PDE3A: variants seen among roughly 807,000 people sequenced by gnomAD.
PDE3A encodes the protein phosphodiesterase 3A.
In PDE3A, 43 loss-of-function variants were observed where a neutral mutation model predicts 98.3. That is an observed-to-expected ratio of 0.44 (90% confidence interval 0.34 to 0.56). The LOEUF is 0.56. Ranked by LOEUF, PDE3A falls within the 20% of genes least tolerant of loss-of-function variation. PDE3A has a pLI of 0.01. For synonymous variants in PDE3A, 663 were observed against 567.9 expected, an observed-to-expected ratio of 1.17 and a Z score of -2.38; for missense variants, 1,427 against 1,440.7, an observed-to-expected ratio of 0.99 and a Z score of 0.15.
chr12:20,677,063 G>A (rs1398623999), intron 15 of PDE3A, among the ~76,000 whole-genome samples: 1 of 151,936 alleles, frequency 6.6e-6, no homozygotes, highest in Non-Finnish European at 1.5e-5. Flanking sequence ...CATCTGACTG[G>A]GTTATGTCAA....
intron 1 of PDE3A, among the ~76,000 whole-genome samples, chr12:20,448,469 A>C (rs1425249716): frequency 2.0e-5 from 3 of 152,158 alleles, no homozygotes; most frequent in Non-Finnish European, 4.4e-5. Context: ...GAAGAGGACA[A>C]TATTGTAACC....
At chr12:20,460,060 C>A (rs996712124) in intron 1 of PDE3A, among the ~76,000 whole-genome samples, 5 of 152,180 alleles carry the variant, frequency 3.3e-5, no homozygotes, top group Non-Finnish European at 2.9e-5. Context: ...AGGCTGGATA[C>A]CATAGTCACC....
chr12:20,599,788 C>T (rs78215403), intron 2 of PDE3A, among the ~76,000 whole-genome samples: 5,623 of 152,258 alleles, frequency 0.037, 140 homozygotes, highest in Non-Finnish European at 0.054. Context: ...CATTTTACAG[C>T]CAGTTTTCAT....
At chr12:20,433,155 T>C (rs966561058) in intron 1 of PDE3A, among the ~76,000 whole-genome samples, 1 of 152,164 alleles carries the variant, frequency 6.6e-6, no homozygotes, top group African/African-American at 2.4e-5. Context: ...GACTAATCTT[T>C]TTTTGAACTA....
chr12:20,378,497 C>A (rs1426826955), intron 1 of PDE3A, among the ~76,000 whole-genome samples: 1 of 151,586 alleles, frequency 6.6e-6, no homozygotes, highest in East Asian at 1.9e-4. Flanking sequence ...CTTATTTTTA[C>A]ACTGCAGATT....
rs376857056 is a variant in PDE3A, at chr12:20,369,797, A to G, written c.513A>G (p.Glu171=). 8.1e-6 allele frequency: 13 copies of G among 1,612,160 alleles called. No homozygotes were observed. Among genetic ancestry groups the G allele is most frequent in the Non-Finnish European group, 1.1e-5 (13 of 1,179,660 alleles). Residue 171 remains glutamate, a synonymous_variant, in exon 1 of 16, where the codon GAA becomes GAG. Transcript: ENST00000359062. ...TGCTGGCCGCCTGCTGCGGGGGGGAAGCGCTCGTCCAGATTGGGCTGGGCG... is the reference window on the plus strand; with the variant it reads ...TGCTGGCCGCCTGCTGCGGGGGGGAGGCGCTCGTCCAGATTGGGCTGGGCG... The part of the protein sequence containing the change: ...VALLAACCGG[E]ALVQIGLGVG...
At chr12:20,516,582 A>G (rs1228909339) in intron 1 of PDE3A, among the ~76,000 whole-genome samples, 3 of 152,198 alleles carry the variant, frequency 2.0e-5, no homozygotes, top group Non-Finnish European at 4.4e-5. Flanking sequence ...AGGGTATGGC[A>G]TTCTCAAGTT....
intron 1 of PDE3A, among the ~76,000 whole-genome samples, chr12:20,415,095 T>C (rs1242836091): frequency 6.6e-6 from 1 of 152,110 alleles, no homozygotes; most frequent in African/African-American, 2.4e-5. Context: ...ATAGTTATGT[T>C]CTATTTATTG....
chr12:20,648,648 T>G (rs1188180364), intron 12 of PDE3A, 40 bp from the exon 13 acceptor site: 1 of 1,270,990 alleles, frequency 7.9e-7, no homozygotes, highest in South Asian at 1.2e-5. Context: ...TGTGATTATT[T>G]TCTTAAAAAG....
chr12:20,653,867 G>T lies in PDE3A; in HGVS notation c.2926-80G>T, dbSNP rs1045283163. On this transcript the variant is annotated intron_variant, in intron 14 of 15. Transcript: ENST00000359062. ...TTAGCTGTCAAGTAAAGAAGTTTGT[G>T]CATTAATGCCTGGGGTTTTACATAT... 4.9e-6 allele frequency: 7 copies of T among 1,428,064 alleles called. No individual in the cohort carries two copies. The African/African-American group carries it at 9.9e-5, about 20-fold the overall frequency. 88.5% of individuals were successfully genotyped at this position (1,428,064 alleles called of 1,614,324 possible).
intron 2 of PDE3A, among the ~76,000 whole-genome samples, chr12:20,592,124 A>G (rs1943352965): frequency 6.6e-6 from 1 of 152,186 alleles, no homozygotes; most frequent in Non-Finnish European, 1.5e-5. Context: ...AGTCTTAGGT[A>G]GGTTACATTA....
chr12:20,651,863 G>A (rs900826851), intron 14 of PDE3A, among the ~76,000 whole-genome samples: 33 of 151,986 alleles, frequency 2.2e-4, no homozygotes, highest in East Asian at 1.9e-4. Context: ...GGTGTGCTGC[G>A]CCCATTAACT....
chr12:20,407,293 T>C (rs1944250529), intron 1 of PDE3A, among the ~76,000 whole-genome samples: 1 of 152,248 alleles, frequency 6.6e-6, no homozygotes, highest in African/African-American at 2.4e-5. Flanking sequence ...GCCAAACATA[T>C]AGCAGGTACA....
intron 2 of PDE3A, among the ~76,000 whole-genome samples, chr12:20,590,518 T>C (rs1462101448): frequency 6.6e-6 from 1 of 151,240 alleles, no homozygotes; most frequent in East Asian, 1.9e-4. Flanking sequence ...CTCACGCTTC[T>C]AATCGCAGCA....
chr12:20,459,525 A>G (rs1362398317), intron 1 of PDE3A, among the ~76,000 whole-genome samples: 1 of 152,154 alleles, frequency 6.6e-6, no homozygotes, highest in Non-Finnish European at 1.5e-5. Flanking sequence ...ACACCTTTTA[A>G]TGTGTTTGTT....
At chr12:20,507,367 T>A (rs1484113186) in intron 1 of PDE3A, among the ~76,000 whole-genome samples, 1 of 152,060 alleles carries the variant, frequency 6.6e-6, no homozygotes, top group Non-Finnish European at 1.5e-5. Context: ...AAGGAAGTTA[T>A]GAGAAGTAAA....
chr12:20,581,757 C>T (rs576136622), intron 2 of PDE3A, among the ~76,000 whole-genome samples: 4 of 150,902 alleles, frequency 2.7e-5, no homozygotes, highest in African/African-American at 9.7e-5. Flanking sequence ...GGACTACAGG[C>T]GCCCGCCACT....
chr12:20,521,875 G>T (rs1052709446), intron 1 of PDE3A, among the ~76,000 whole-genome samples: 4 of 152,118 alleles, frequency 2.6e-5, no homozygotes, highest in African/African-American at 9.7e-5. Flanking sequence ...AAATGATCCA[G>T]TGGTGGCAGG....
rs372559314 is a variant in PDE3A at position 20,637,151 on chromosome 12, A to G, written c.2053A>G (p.Ile685Val). The G allele has an allele frequency of 6.5e-5, 105 of 1,610,478 alleles. No individual in the cohort carries two copies. Among genetic ancestry groups the G allele is most frequent in the Non-Finnish European group, 8.6e-5 (101 of 1,177,508 alleles). The change falls in exon 9 of 16, where the codon ATT (isoleucine) becomes GTT (valine). Residue 685 changes from isoleucine (I) to valine (V), a missense_variant. By Grantham distance (29) the Ile-to-Val change is conservative. Transcript: ENST00000359062. ...TCTTGTCATGGATAACCTGGACTCAATTATGGAGCAGCTAAATACTTGGAA... is the reference window on the plus strand; with the variant it reads ...TCTTGTCATGGATAACCTGGACTCAGTTATGGAGCAGCTAAATACTTGGAA... ...EPLVMDNLDS[I>V]MEQLNTWNFP...
Sources: allele counts gnomAD v4.1 joint callset (sites outside exome capture counted in the v4.1 genomes callset), GRCh38; gene constraint gnomAD v4.1.1; transcripts MANE v1.5; gene names NCBI Gene and HGNC (gene_info 2026-07-23, HGNC 2026-07-21).